METTL15: variants seen among roughly 807,000 people sequenced by gnomAD.
METTL15 encodes the protein methyltransferase 15, mitochondrial 12S rRNA N4-cytidine.
Under a neutral mutation model 38.3 loss-of-function variants are expected in METTL15, and 34 were observed. The observed-to-expected ratio is 0.89, with a 90% CI of 0.68 to 1.18. The LOEUF (loss-of-function observed/expected upper bound fraction) is 1.18, where lower values mean the gene tolerates loss of function less well. Among genes scored for constraint, METTL15 ranks in the 50% most tolerant of loss-of-function variants. The probability of loss-of-function intolerance (pLI) is 0.00; values close to 1 mark genes in which losing one functional copy is unlikely to be tolerated. For missense variants in METTL15, 438 were observed against 498.4 expected, an observed-to-expected ratio of 0.88 and a Z score of 1.15; for synonymous variants, 162 against 170.9, an observed-to-expected ratio of 0.95 and a Z score of 0.41.
intron 5 of METTL15, among the ~76,000 whole-genome samples, chr11:28,424,008 A>T (rs10835326): frequency 0.42 from 63,838 of 151,488 alleles, 14,824 homozygotes; most frequent in Admixed American, 0.53. Flanking sequence ...ACTTTTTTTT[A>T]AAAAACCCCA....
rs149605482 is a variant in METTL15, at chr11:28,399,806, G to A, written c.*359-24493G>A. On this transcript the variant is annotated intron_variant and NMD_transcript_variant, in intron 5 of 7. Transcript: ENST00000532947. ...GTATAATTTGCACAAATATTGGGATGTATAAATTCAGGTTAGGTATTTAGT... is the reference window on the plus strand; with the variant it reads ...GTATAATTTGCACAAATATTGGGATATATAAATTCAGGTTAGGTATTTAGT... 2.6e-4 allele frequency among the ~76,000 whole-genome samples: 40 copies of A among 151,972 alleles called. No individual in the cohort carries two copies. The East Asian group carries it at 7.4e-3, about 28-fold the overall frequency.
intron 3 of METTL15, among the ~76,000 whole-genome samples, chr11:28,117,934 C>T (rs1590746624): frequency 6.6e-6 from 1 of 152,118 alleles, no homozygotes; most frequent in Non-Finnish European, 1.5e-5. Context: ...GCATCAGTCA[C>T]TTACTTACTT....
intron 5 of METTL15, among the ~76,000 whole-genome samples, chr11:28,389,023 A>G (rs1218931114): frequency 6.6e-6 from 1 of 151,890 alleles, no homozygotes; most frequent in East Asian, 1.9e-4. Context: ...ATCCTTTTTT[A>G]TGGCTACATA....
At chr11:28,401,032 G>A (rs1850625809) in intron 5 of METTL15, among the ~76,000 whole-genome samples, 1 of 152,080 alleles carries the variant, frequency 6.6e-6, no homozygotes, top group Non-Finnish European at 1.5e-5. Context: ...TTTAAAAATA[G>A]CCAGCAAGTT....
intron 4 of METTL15, among the ~76,000 whole-genome samples, chr11:28,272,383 C>T (rs1855679115): frequency 1.3e-5 from 2 of 152,134 alleles, no homozygotes; most frequent in Non-Finnish European, 2.9e-5. Context: ...GAATACTATG[C>T]AGCCATAAAA....
At chr11:28,461,526 T>C (rs1851214763) in intron 6 of METTL15, among the ~76,000 whole-genome samples, 1 of 152,034 alleles carries the variant, frequency 6.6e-6, no homozygotes, top group African/African-American at 2.4e-5. Context: ...ATGTAGCTCA[T>C]TGCATAATGG....
intron 4 of METTL15, among the ~76,000 whole-genome samples, chr11:28,267,781 C>A (rs1855483975): frequency 6.6e-6 from 1 of 152,194 alleles, no homozygotes; most frequent in Non-Finnish European, 1.5e-5. Flanking sequence ...TACACATATA[C>A]ATCTCCTGCT....
intron 4 of METTL15, among the ~76,000 whole-genome samples, chr11:28,255,933 C>T (rs1004282916): frequency 6.6e-6 from 1 of 152,144 alleles, no homozygotes; most frequent in African/African-American, 2.4e-5. Flanking sequence ...GAACTCCCAA[C>T]CTCAGGTGAT....
downstream of METTL15, among the ~76,000 whole-genome samples, chr11:28,335,908 T>C (rs552268745): frequency 4.3e-4 from 66 of 152,272 alleles, no homozygotes; most frequent in African/African-American, 1.6e-3. Flanking sequence ...CTTTATAGAA[T>C]TAAAAATGGA....
intron 3 of METTL15, among the ~76,000 whole-genome samples, chr11:28,348,617 C>T (rs909292632): frequency 6.6e-6 from 1 of 152,138 alleles, no homozygotes; most frequent in Non-Finnish European, 1.5e-5. Context: ...TACACTCCCT[C>T]AGCCTCCCAA....
At chr11:28,387,378 A>C (rs1240391875) in intron 5 of METTL15, among the ~76,000 whole-genome samples, 1 of 151,960 alleles carries the variant, frequency 6.6e-6, no homozygotes. Flanking sequence ...AATGCCACAG[A>C]AATTAAAATA....
chr11:28,275,734 C>G (rs1239312856), intron 4 of METTL15, among the ~76,000 whole-genome samples: 2 of 151,190 alleles, frequency 1.3e-5, no homozygotes, highest in Non-Finnish European at 3.0e-5. Context: ...CAAAACACAT[C>G]AAAAAGATTC....
chr11:28,308,270 G>A (rs1163125865), intron 6 of METTL15, among the ~76,000 whole-genome samples: 1 of 152,020 alleles, frequency 6.6e-6, no homozygotes, highest in African/African-American at 2.4e-5. Flanking sequence ...TGTCCTTCGT[G>A]AAACAGAATG....
At chr11:28,455,112 A>G (rs1440595654) in intron 6 of METTL15, among the ~76,000 whole-genome samples, 1 of 151,856 alleles carries the variant, frequency 6.6e-6, no homozygotes, top group African/African-American at 2.4e-5. Flanking sequence ...GATTTTCATC[A>G]TGCATCACTT....
chr11:28,198,385 C>A (rs1463115273), intron 3 of METTL15, among the ~76,000 whole-genome samples: 1 of 151,870 alleles, frequency 6.6e-6, no homozygotes. Context: ...AATTGAAGGA[C>A]ATACTTTAAA....
intron 4 of METTL15, among the ~76,000 whole-genome samples, chr11:28,221,566 A>G (rs967416527): frequency 6.6e-6 from 1 of 152,026 alleles, no homozygotes; most frequent in African/African-American, 2.4e-5. Context: ...CAACTTGTCA[A>G]AGTCATTCTC....
chr11:28,118,026 G>A (rs866933876), intron 3 of METTL15, among the ~76,000 whole-genome samples: 7 of 150,882 alleles, frequency 4.6e-5, no homozygotes, highest in South Asian at 2.1e-4. Flanking sequence ...TTTTTGAGAC[G>A]GAGTTTCGCT....
intron 4 of METTL15, among the ~76,000 whole-genome samples, chr11:28,258,836 T>C (rs1225185918): frequency 6.6e-6 from 1 of 152,148 alleles, no homozygotes; most frequent in African/African-American, 2.4e-5. Flanking sequence ...TCCTAAAATG[T>C]GGGACCTTAA....
intron 5 of METTL15, among the ~76,000 whole-genome samples, chr11:28,396,679 A>G (rs1183559625): frequency 6.6e-6 from 1 of 152,218 alleles, no homozygotes; most frequent in African/African-American, 2.4e-5. Flanking sequence ...GGTAATTTAT[A>G]GATTCAATGC....
Sources: allele counts gnomAD v4.1 joint callset (sites outside exome capture counted in the v4.1 genomes callset), GRCh38; gene constraint gnomAD v4.1.1; transcripts MANE v1.5; gene names NCBI Gene and HGNC (gene_info 2026-07-23, HGNC 2026-07-21).